The following USP5 variants were observed in gnomAD, a reference collection of about 807,000 sequenced individuals.
The protein encoded by USP5 is ubiquitin carboxyl-terminal hydrolase 5.
Under a neutral mutation model 102.5 loss-of-function variants are expected in USP5, and 24 were observed. The observed-to-expected ratio is 0.23, with a 90% CI of 0.17 to 0.33. The LOEUF is 0.33. USP5 is among the 10% of genes least tolerant of loss of function. The pLI is 1.00. For missense variants in USP5, 753 were observed against 1,122.1 expected, an observed-to-expected ratio of 0.67 and a Z score of 4.70; for synonymous variants, 460 against 434.8, an observed-to-expected ratio of 1.06 and a Z score of -0.72.
Position 6,858,353 on chromosome 12 carries a change from C to T in USP5, c.865-71C>T, listed in dbSNP as rs1043026223. On this transcript the variant is annotated intron_variant, in intron 7 of 19. Coordinates refer to ENST00000229268, the MANE Select transcript of USP5 (RefSeq NM_001098536.2). The surrounding 1 kb of genome is among the most constrained non-coding windows in gnomAD (Gnocchi z 4.2). ...CCACAGTTGAGTATCATCCTAGACT[C>T]AGTGAGAGATCGAGGTAAAAACTAC... The T allele has an allele frequency of 2.7e-6, 4 of 1,497,290 alleles. No individual in the cohort carries two copies. Among genetic ancestry groups the T allele is most frequent in the East Asian group, 2.3e-5 (1 of 43,570 alleles). The allele number at this position is 1,497,290 out of a possible 1,614,324, so 92.8% of individuals were successfully genotyped here.
chr12:6,858,855 C>A lies in USP5; in HGVS notation c.1058+238C>A. ...GCAACATAGCGAGACCCTGTCTTCTCTTAAAAAAAAAAAAGAATAATTCCT... is the reference window on the plus strand; with the variant it reads ...GCAACATAGCGAGACCCTGTCTTCTATTAAAAAAAAAAAAGAATAATTCCT... On this transcript the variant is annotated intron_variant, in intron 8 of 19. Coordinates refer to ENST00000229268, the MANE Select transcript of USP5 (RefSeq NM_001098536.2). This position sits in a 1 kb window ranked among gnomAD's most constrained non-coding sequence, Gnocchi z 4.2. 1 of 388,706 alleles carries A rather than the reference C, an allele frequency of 2.6e-6. No individual in the cohort carries two copies. The highest frequency in any genetic ancestry group is 4.7e-6 in the Non-Finnish European group (1 of 213,062). 24.1% of individuals were successfully genotyped at this position (388,706 alleles called of 1,614,324 possible). A position where few individuals can be genotyped will look rare whatever the true frequency, so the allele number is the denominator to read the frequency against.
Position 6,861,448 on chromosome 12 carries a change from C to T in USP5, c.1504C>T (p.Leu502Phe). 6.4e-7 allele frequency: 1 copy of T among 1,571,538 alleles called. No homozygotes were observed. The highest frequency in any genetic ancestry group is 8.7e-7 in the Non-Finnish European group (1 of 1,151,638). ...PMDAALNKEE[L>F]LEYEEKKRQA... ...CCAACCCATTCTGTCACCAGAGGAG[C>T]TTCTGGAGTACGAGGAGAAGAAGCG... is the stretch of plus-strand genomic sequence containing the variant. The change falls in exon 13 of 20, where the codon CTT (leucine) becomes TTT (phenylalanine). Residue 502 changes from leucine (L) to phenylalanine (F), a missense_variant. This residue lies in a region of USP5 where 527 missense variants were observed against 816.5 expected (regional missense o/e 0.65). Coordinates refer to ENST00000229268, the MANE Select transcript of USP5 (RefSeq NM_001098536.2). The surrounding 1 kb of genome is among the most constrained non-coding windows in gnomAD (Gnocchi z 4.9).
At position 6,860,977 on chromosome 12, in the gene USP5, C is replaced by T; in HGVS notation, c.1369C>T (p.Pro457Ser). ...VERNCRSSEN[P>S]NEVFRFLVEE... Reference sequence around the variant, plus strand: ...GAGGAATTGCCGGAGCTCTGAAAATCCTAATGAAGTGTTCCGCTTCTTGGT... The same window carrying T: ...GAGGAATTGCCGGAGCTCTGAAAATTCTAATGAAGTGTTCCGCTTCTTGGT... Residue 457 changes from proline to serine, a missense_variant, in exon 12 of 20, where the codon CCT becomes TCT. Around this residue, in one of 3 missense-constraint regions of USP5, gnomAD observed 527 missense variants for 816.5 expected, o/e 0.65. Coordinates refer to ENST00000229268, the MANE Select transcript of USP5 (RefSeq NM_001098536.2). This position sits in a 1 kb window ranked among gnomAD's most constrained non-coding sequence, Gnocchi z 5.5. 1 of 1,614,184 alleles carries T rather than the reference C, an allele frequency of 6.2e-7. No homozygotes were observed. The highest frequency in any genetic ancestry group is 8.5e-7 in the Non-Finnish European group (1 of 1,180,022).
Position 6,852,162 on chromosome 12 carries a change from G to T in USP5, c.-18G>T. Reference sequence around the variant, plus strand: ...AACGGTGGGAGCCGCCGTGTGTGGAGAAGCTGCTGCCGGTGTCATGGCGGA... The same window carrying T: ...AACGGTGGGAGCCGCCGTGTGTGGATAAGCTGCTGCCGGTGTCATGGCGGA... On this transcript the variant is annotated 5_prime_UTR_variant, in exon 1 of 20. Coordinates refer to ENST00000229268, the MANE Select transcript of USP5 (RefSeq NM_001098536.2). 2 of 1,603,218 alleles carry T rather than the reference G, an allele frequency of 1.2e-6. No homozygotes were observed. The highest frequency in any genetic ancestry group is 1.7e-6 in the Non-Finnish European group (2 of 1,175,524).
At position 6,861,237 on chromosome 12, in the gene USP5, C is replaced by G; in HGVS notation, c.1498+131C>G. The stretch of plus-strand genomic sequence containing the variant: ...CAGCCAAGGTTCCAGTCTGGGCCAC[C>G]AGGAGTAGGTAGATTAACCTCGTCC... On this transcript the variant is annotated intron_variant, in intron 12 of 19. Coordinates refer to ENST00000229268, the MANE Select transcript of USP5 (RefSeq NM_001098536.2). The surrounding 1 kb of genome is among the most constrained non-coding windows in gnomAD (Gnocchi z 4.9). 2.0e-6 allele frequency: 3 copies of G among 1,468,850 alleles called. No homozygotes were observed. In the South Asian group the frequency reaches 3.9e-5, roughly 19 times the overall value. The allele number at this position is 1,468,850 out of a possible 1,614,324, so 91.0% of individuals were successfully genotyped here.
intron 6 of USP5, chr12:6,857,378 C>G (rs1197390479): frequency 2.1e-6 from 1 of 473,592 alleles, no homozygotes; most frequent in African/African-American, 2.0e-5. Context: ...CCTGTCTTAC[C>G]TTATCCTATA....
At position 6,863,937 on chromosome 12, in the gene USP5, G is replaced by A. The variant is rs1944351211; in HGVS notation, c.2062G>A (p.Ala688Thr). 2 of 1,607,080 alleles carry A rather than the reference G, an allele frequency of 1.2e-6. No individual in the cohort carries two copies. Among genetic ancestry groups the A allele is most frequent in the Non-Finnish European group, 8.5e-7 (1 of 1,175,496 alleles). Residue 688 changes from alanine (A) to threonine (T), a missense_variant, in exon 16 of 20, where the codon GCC becomes ACC. By Grantham distance (58) the Ala-to-Thr change is moderately conservative. Transcript: ENST00000229268. The surrounding 1 kb of genome is among the most constrained non-coding windows in gnomAD (Gnocchi z 4.7). Reference protein sequence around the residue: ...YYTGNSGAEAAMNWVMSHMDD... With the variant: ...YYTGNSGAEATMNWVMSHMDD... ...CACGGGCAACAGCGGGGCTGAGGCCGCCATGAACTGGGTCATGTCACACAT... is the reference window on the plus strand; with the variant it reads ...CACGGGCAACAGCGGGGCTGAGGCCACCATGAACTGGGTCATGTCACACAT...
rs1293093370 is a variant in USP5 at position 6,864,904 on chromosome 12, C to T, written c.2398+29C>T. Reference sequence around the variant, plus strand: ...AGTATCCCCAGGAAGCAGGACAGGCCTGGTGGAATCTGGTCAGTCTACTAC... The same window carrying T: ...AGTATCCCCAGGAAGCAGGACAGGCTTGGTGGAATCTGGTCAGTCTACTAC... On this transcript the variant is annotated intron_variant, in intron 18 of 19. Transcript: ENST00000229268. This position sits in a 1 kb window ranked among gnomAD's most constrained non-coding sequence, Gnocchi z 4.8. 5 of 1,604,710 alleles carry T rather than the reference C, an allele frequency of 3.1e-6. No individual in the cohort carries two copies. The highest frequency in any genetic ancestry group is 1.1e-5 in the South Asian group (1 of 90,672).
chr12:6,862,625 T>C (rs1565533190), intron 14 of USP5, 67 bp downstream of exon 14: 7 of 1,412,264 alleles, frequency 5.0e-6, no homozygotes, highest in Admixed American at 1.9e-5. Flanking sequence ...TTAACACATA[T>C]AAACTAGTGT....
rs782491252 is a variant in USP5, at chr12:6,860,924, G to C, written c.1345-29G>C. On this transcript the variant is annotated intron_variant, in intron 11 of 19. Coordinates refer to ENST00000229268, the MANE Select transcript of USP5 (RefSeq NM_001098536.2). The surrounding 1 kb of genome is among the most constrained non-coding windows in gnomAD (Gnocchi z 5.5). ...CCCCATTCTGTTCCCTGGCTGCCCAGACCTCCCTACCCTGCCTCTTTCCCA... is the reference window on the plus strand; with the variant it reads ...CCCCATTCTGTTCCCTGGCTGCCCACACCTCCCTACCCTGCCTCTTTCCCA... The C allele has an allele frequency of 2.5e-6, 4 of 1,612,496 alleles. No homozygotes were observed. The highest frequency in any genetic ancestry group is 3.4e-6 in the Non-Finnish European group (4 of 1,179,206).
rs2071062 is a variant in USP5 at position 6,864,557 on chromosome 12, T to C, written c.2245-165T>C. ...ACAAAAAATTAACCAAGCGTGGTGG[T>C]GGGCGTCTGTAGTCCCAGCTACTTG... is the stretch of plus-strand genomic sequence containing the variant. On this transcript the variant is annotated intron_variant, in intron 17 of 19. Transcript: ENST00000229268. This position sits in a 1 kb window ranked among gnomAD's most constrained non-coding sequence, Gnocchi z 4.8. 0.03 allele frequency among the ~76,000 whole-genome samples: 4,613 copies of C among 152,132 alleles called. 270 individuals carry two copies. Among genetic ancestry groups the C allele is most frequent in the East Asian group, 0.21 (1,098 of 5,146 alleles).
chr12:6,865,731 T>C (rs929198347), intron 19 of USP5, among the ~76,000 whole-genome samples: 1 of 152,154 alleles, frequency 6.6e-6, no homozygotes, highest in Non-Finnish European at 1.5e-5. Flanking sequence ...CAGAAAAAGT[T>C]TACCAACCCC....
Position 6,864,344 on chromosome 12 carries a change from G to T in USP5, c.2244+149G>T. The T allele has an allele frequency of 8.1e-7, 1 of 1,227,084 alleles. No individual in the cohort carries two copies. The highest frequency in any genetic ancestry group is 1.1e-6 in the Non-Finnish European group (1 of 914,290). 76.0% of individuals were successfully genotyped at this position (1,227,084 alleles called of 1,614,324 possible). A position where few individuals can be genotyped will look rare whatever the true frequency, so the allele number is the denominator to read the frequency against. ...CTTTTGTGGCTGCGATGAAGGAGCT[G>T]AAGCCTGCGTTCACTGCTGGGTTTT... On this transcript the variant is annotated intron_variant, in intron 17 of 19. Transcript: ENST00000229268. The surrounding 1 kb of genome is among the most constrained non-coding windows in gnomAD (Gnocchi z 4.8).
intron 1 of USP5, among the ~76,000 whole-genome samples, chr12:6,853,335 C>T (rs1944000909): frequency 6.6e-6 from 1 of 152,272 alleles, no homozygotes; most frequent in African/African-American, 2.4e-5. Context: ...ATGTGAGGCC[C>T]AGTTCAGGAT....
Position 6,855,379 on chromosome 12 carries a change from A to G in USP5, c.112-22A>G. On this transcript the variant is annotated intron_variant, in intron 1 of 19. Coordinates refer to ENST00000229268, the MANE Select transcript of USP5 (RefSeq NM_001098536.2). The surrounding 1 kb of genome is among the most constrained non-coding windows in gnomAD (Gnocchi z 4.6). The stretch of plus-strand genomic sequence containing the variant: ...GGCTTCATAACATCCTCGTGTTTTC[A>G]CCCTTACCTCTTGTCCCACAGGAGT... The G allele has an allele frequency of 6.2e-7, 1 of 1,611,624 alleles. No homozygotes were observed. Among genetic ancestry groups the G allele is most frequent in the Non-Finnish European group, 8.5e-7 (1 of 1,179,200 alleles).
chr12:6,865,055 C>A, intron 18 of USP5, 109 bp from the exon 19 acceptor site: 2 of 1,295,576 alleles, frequency 1.5e-6, no homozygotes, highest in Non-Finnish European at 1.1e-6. Context: ...ACCTGCCTCA[C>A]ATTCCCTGAA....
rs782219129 is a variant in USP5 at position 6,855,690 on chromosome 12, C to G, written c.238-65C>G. 2.9e-5 allele frequency: 47 copies of G among 1,606,954 alleles called. No homozygotes were observed. In the East Asian group the frequency reaches 1.0e-3, roughly 36 times the overall value. On this transcript the variant is annotated intron_variant, in intron 2 of 19. Transcript: ENST00000229268. This position sits in a 1 kb window ranked among gnomAD's most constrained non-coding sequence, Gnocchi z 4.6. ...AGATGAAGCACTACCTCCTTCCGTC[C>G]CTCCTCCCGACTTGTTCCTTCGCTC...
chr12:6,852,364 A>C, intron 1 of USP5, 74 bp downstream of exon 1: 1 of 1,449,920 alleles, frequency 6.9e-7, no homozygotes, highest in Non-Finnish European at 9.4e-7. Flanking sequence ...GGGGCCTGCA[A>C]GGCTTGGGCT....
Position 6,861,407 on chromosome 12 carries a change from C to T in USP5, c.1499-36C>T. On this transcript the variant is annotated intron_variant, in intron 12 of 19. Transcript: ENST00000229268. The surrounding 1 kb of genome is among the most constrained non-coding windows in gnomAD (Gnocchi z 4.9). ...AGGCTAAGGAGGCAAAGAAGCAGCA[C>T]CCTCCGAAGGATCCACCAACCCATT... 6.5e-7 allele frequency: 1 copy of T among 1,533,108 alleles called. No homozygotes were observed. Among genetic ancestry groups the T allele is most frequent in the Non-Finnish European group, 8.8e-7 (1 of 1,134,912 alleles). The allele number at this position is 1,533,108 out of a possible 1,614,324, so 95.0% of individuals were successfully genotyped here. A position where few individuals can be genotyped will look rare whatever the true frequency, so the allele number is the denominator to read the frequency against.
Sources: allele counts gnomAD v4.1 joint callset (sites outside exome capture counted in the v4.1 genomes callset), GRCh38; gene constraint gnomAD v4.1.1; regional missense constraint gnomAD v4.1.1; non-coding constraint Gnocchi (gnomAD v3.1); transcripts MANE v1.5; gene names NCBI Gene and HGNC (gene_info 2026-07-23, HGNC 2026-07-21).